Variants in FUT5 observed in about 807,000 individuals in gnomAD.
FUT5 encodes 4-galactosyl-N-acetylglucosaminide 3-alpha-L-fucosyltransferase FUT5.
Under a neutral mutation model 0.8 loss-of-function variants are expected in FUT5, and 1 was observed. That is an observed-to-expected ratio of 1.26 (90% CI 0.45 to 5.99). The LOEUF is 5.99. Ranked by LOEUF, FUT5 falls within the 30% of genes most tolerant of loss-of-function variation. The pLI is 0.15. For synonymous variants in FUT5, 212 were observed against 225.7 expected, an observed-to-expected ratio of 0.94 and a Z score of 0.54; for missense variants, 437 against 517.8, an observed-to-expected ratio of 0.84 and a Z score of 1.51.
rs573940537 is a variant in FUT5 at position 5,866,641 on chromosome 19, C to T, written c.1085G>A (p.Arg362Lys). The T allele has an allele frequency of 1.2e-6, 2 of 1,613,260 alleles. No homozygotes were observed. The change falls in exon 2 of 2, where the codon AGG (arginine) becomes AAG (lysine). Residue 362 changes from arginine (R) to lysine (K), a missense_variant. Transcript: ENST00000588525. The surrounding 1 kb of genome is among the most constrained non-coding windows in gnomAD (Gnocchi z 4.9). ...KACWKLQQES[R>K]YQTVRSIAAW... ...CGCTATGCTGCGCACCGTCTGGTAC[C>T]TAGATTCCTGCTGCAGCTTCCAGCA...
chr19:5,866,435 C>A lies in FUT5; in HGVS notation c.*166G>T. ...ATCCCAGGTAAGTCACATGCCTGGC[C>A]ACCAAAGACTCCAGCAGGTGAGGCC... On this transcript the variant is annotated 3_prime_UTR_variant, in exon 2 of 2. Coordinates refer to ENST00000588525, the MANE Select transcript of FUT5 (RefSeq NM_002034.2). This position sits in a 1 kb window ranked among gnomAD's most constrained non-coding sequence, Gnocchi z 4.9. 9.0e-7 allele frequency: 1 copy of A among 1,117,170 alleles called. No homozygotes were observed. The highest frequency in any genetic ancestry group is 1.3e-6 in the Non-Finnish European group (1 of 761,364). The allele number at this position is 1,117,170 out of a possible 1,614,324, so 69.2% of individuals were successfully genotyped here.
chr19:5,870,175 ATT>A (rs2057518494), intron 1 of FUT5, among the ~76,000 whole-genome samples: 1 of 148,946 alleles, frequency 6.7e-6, no homozygotes, highest in Non-Finnish European at 1.5e-5. Context: ...TAAAATTATT[ATT>A]ATTTTTTGAG....
In FUT5 at chr19:5,870,526, C is replaced by T. The variant is rs1416957583; in HGVS notation, c.-74G>A. On this transcript the variant is annotated 5_prime_UTR_variant, in exon 1 of 2. Transcript: ENST00000588525. ...GCCATGAAAAGGCTGGGCGAGGTGG[C>T]TCATGTCTGTAATCCCAGCACTTTG... The T allele has an allele frequency of 6.6e-6, 1 of 152,286 alleles. No individual in the cohort carries two copies. The highest frequency in any genetic ancestry group is 2.4e-5 in the African/African-American group (1 of 41,454). The allele number at this position is 152,286 out of a possible 1,614,324, so 9.4% of individuals were successfully genotyped here. A position where few individuals can be genotyped will look rare whatever the true frequency, so the allele number is the denominator to read the frequency against.
chr19:5,869,292 T>C (rs960835898), intron 1 of FUT5, among the ~76,000 whole-genome samples: 6 of 148,972 alleles, frequency 4.0e-5, no homozygotes, highest in African/African-American at 1.5e-4. Context: ...TTTTTTTTTT[T>C]TTTTTTTTAA....
In FUT5 at chr19:5,866,368, C is replaced by T; in HGVS notation, c.*233G>A. 1.5e-6 allele frequency: 1 copy of T among 678,152 alleles called. No homozygotes were observed. The highest frequency in any genetic ancestry group is 1.9e-5 in the South Asian group (1 of 53,932). The allele number at this position is 678,152 out of a possible 1,614,324, so 42.0% of individuals were successfully genotyped here. A position where few individuals can be genotyped will look rare whatever the true frequency, so the allele number is the denominator to read the frequency against. On this transcript the variant is annotated 3_prime_UTR_variant, in exon 2 of 2. Coordinates refer to ENST00000588525, the MANE Select transcript of FUT5 (RefSeq NM_002034.2). This position sits in a 1 kb window ranked among gnomAD's most constrained non-coding sequence, Gnocchi z 4.9. ...ATCCCCAGCCCCAGCTGGCAAGGTC[C>T]CCAGCAGGGGAGGCTCCTGGCAGTG...
In FUT5 at chr19:5,867,266, TG is replaced by T. The variant is rs753097884; in HGVS notation, c.459del (p.Ser154AlafsTer94). ...AGGGCTTCCAGGTGCCGGCAGTTGC[TG>T]GGGGACTCCATGCTGAACCAGATCC... Reference protein sequence around the residue: ...QRWIWFSMESPSNCRHLEALD... With the variant: ...QRWIWFSMESXSNCRHLEALD... On this transcript the variant is annotated frameshift_variant, in exon 2 of 2. Coordinates refer to ENST00000588525, the MANE Select transcript of FUT5 (RefSeq NM_002034.2). LOFTEE classifies it low-confidence loss of function (END_TRUNC). The surrounding 1 kb of genome is among the most constrained non-coding windows in gnomAD (Gnocchi z 5.0). The T allele has an allele frequency of 1.2e-6, 2 of 1,613,396 alleles. No homozygotes were observed. Among genetic ancestry groups the T allele is most frequent in the Non-Finnish European group, 1.7e-6 (2 of 1,180,000 alleles).
intron 1 of FUT5, 122 bp downstream of exon 1, chr19:5,870,343 A>C (rs1039017168): frequency 3.3e-5 from 5 of 152,148 alleles, no homozygotes; most frequent in Admixed American, 1.3e-4. Context: ...CAAAGAATTA[A>C]CAACAAAAGG....
chr19:5,868,181 G>A (rs1361009510), intron 1 of FUT5, among the ~76,000 whole-genome samples: 2 of 152,122 alleles, frequency 1.3e-5, no homozygotes, highest in African/African-American at 4.8e-5. Context: ...CTGGGGAGAG[G>A]TGGGGAGGAT....
Position 5,866,346 on chromosome 19 carries a change from C to A in FUT5, c.*255G>T. On this transcript the variant is annotated 3_prime_UTR_variant, in exon 2 of 2. Coordinates refer to ENST00000588525, the MANE Select transcript of FUT5 (RefSeq NM_002034.2). This position sits in a 1 kb window ranked among gnomAD's most constrained non-coding sequence, Gnocchi z 4.9. ...AGCAAGGTCCCCAGTAGGCACCATC[C>A]CCAGCCCCAGCTGGCAAGGTCCCCA... The A allele has an allele frequency of 1.6e-6, 1 of 618,506 alleles. No homozygotes were observed. The allele number at this position is 618,506 out of a possible 1,614,324, so 38.3% of individuals were successfully genotyped here.
chr19:5,868,706 G>C lies in FUT5; in HGVS notation c.-12-969C>G, dbSNP rs568949880. Among the ~76,000 whole-genome samples, 15 of 152,254 alleles carry C rather than the reference G, an allele frequency of 9.9e-5. 1 individual carries two copies. The highest frequency in any genetic ancestry group is 9.8e-4 in the Admixed American group (15 of 15,290). ...CAAAAATTAGCCGGATGTGGTGGTG[G>C]TGCCTGTAATCCCAGCTACTTGGGA... On this transcript the variant is annotated intron_variant, in intron 1 of 1. Coordinates refer to ENST00000588525, the MANE Select transcript of FUT5 (RefSeq NM_002034.2).
chr19:5,869,035 G>T (rs1317905553), intron 1 of FUT5, among the ~76,000 whole-genome samples: 2 of 151,366 alleles, frequency 1.3e-5, no homozygotes, highest in Non-Finnish European at 2.9e-5. Context: ...AGGCTAGAGT[G>T]CAGTGGCATG....
At chr19:5,868,849 C>A (rs868712400) in intron 1 of FUT5, among the ~76,000 whole-genome samples, 2 of 152,178 alleles carry the variant, frequency 1.3e-5, no homozygotes, top group East Asian at 1.9e-4. Context: ...AACACAGCAT[C>A]TTCCTCTGTC....
Position 5,865,984 on chromosome 19 carries a change from CA to C in FUT5, c.*616del, listed in dbSNP as rs1299398072. 1 of 168,456 alleles carries C rather than the reference CA, an allele frequency of 5.9e-6. No individual in the cohort carries two copies. The highest frequency in any genetic ancestry group is 1.3e-5 in the Non-Finnish European group (1 of 77,206). The allele number at this position is 168,456 out of a possible 1,614,324, so 10.4% of individuals were successfully genotyped here. Reference sequence around the variant, plus strand: ...CCCTCCAGGGTGAGGCATCGCAACACATCCACAGGCACTATCAGAGTCACGC... The same window carrying C: ...CCCTCCAGGGTGAGGCATCGCAACACTCCACAGGCACTATCAGAGTCACGC... On this transcript the variant is annotated 3_prime_UTR_variant, in exon 2 of 2. Transcript: ENST00000588525.
At position 5,867,666 on chromosome 19, in the gene FUT5, C is replaced by T. The variant is rs1228388163; in HGVS notation, c.60G>A (p.Leu20=). 7.4e-6 allele frequency: 12 copies of T among 1,613,250 alleles called. No individual in the cohort carries two copies. The highest frequency in any genetic ancestry group is 9.3e-6 in the Non-Finnish European group (11 of 1,180,044). The stretch of plus-strand genomic sequence containing the variant: ...ACACAGCCACCAGCAGCTGAAACAG[C>T]AGCCCGGCCAGACAGCGGCGCCACA... ...QWLWRRCLAG[L]LFQLLVAVCF... Residue 20 remains leucine, a synonymous_variant, in exon 2 of 2, where the codon CTG becomes CTA. Transcript: ENST00000588525. The surrounding 1 kb of genome is among the most constrained non-coding windows in gnomAD (Gnocchi z 5.0).
intron 1 of FUT5, among the ~76,000 whole-genome samples, chr19:5,868,174 G>C (rs2057512245): frequency 1.3e-5 from 2 of 152,182 alleles, no homozygotes; most frequent in African/African-American, 2.4e-5. Context: ...GCTGAGGCTG[G>C]GGAGAGGTGG....
rs781608545 is a variant in FUT5 at position 5,866,474 on chromosome 19, A to G, written c.*127T>C. On this transcript the variant is annotated 3_prime_UTR_variant, in exon 2 of 2. Coordinates refer to ENST00000588525, the MANE Select transcript of FUT5 (RefSeq NM_002034.2). This position sits in a 1 kb window ranked among gnomAD's most constrained non-coding sequence, Gnocchi z 4.9. ...GCAGGTGAGGCCCCAGGCAGGTGAG[A>G]CCCCAGGCAGCCGAGGCCCCAGGCA... 1.7e-4 allele frequency: 244 copies of G among 1,473,800 alleles called. No individual in the cohort carries two copies. In the East Asian group the frequency reaches 4.6e-3, roughly 28 times the overall value. The allele number at this position is 1,473,800 out of a possible 1,614,324, so 91.3% of individuals were successfully genotyped here. A position where few individuals can be genotyped will look rare whatever the true frequency, so the allele number is the denominator to read the frequency against.
In FUT5 at chr19:5,867,624, C is replaced by T. The variant is rs2057510169; in HGVS notation, c.102G>A (p.Leu34=). The part of the protein sequence containing the change: ...LLVAVCFFSY[L]RVSRDDATGS... ...CAGTGGCATCGTCTCGGGACACACG[C>T]AGGTAGGAGAAGAAACACACAGCCA... Residue 34 remains leucine, a synonymous_variant, in exon 2 of 2, where the codon CTG becomes CTA. Coordinates refer to ENST00000588525, the MANE Select transcript of FUT5 (RefSeq NM_002034.2). The surrounding 1 kb of genome is among the most constrained non-coding windows in gnomAD (Gnocchi z 5.0). 6.2e-7 allele frequency: 1 copy of T among 1,613,460 alleles called. No homozygotes were observed. Among genetic ancestry groups the T allele is most frequent in the African/African-American group, 1.3e-5 (1 of 74,894 alleles).
Position 5,866,822 on chromosome 19 carries a change from C to T in FUT5, c.904G>A (p.Ala302Thr), listed in dbSNP as rs760983276. ...SNYERFLPPD[A>T]FIHVDDFQSP... ...TGGAAGTCGTCCACGTGGATGAAGG[C>T]GTCGGGTGGCAGGAACCTCTCGTAG... The change falls in exon 2 of 2, where the codon GCC (alanine) becomes ACC (threonine). Residue 302 changes from alanine to threonine, a missense_variant. Transcript: ENST00000588525. The surrounding 1 kb of genome is among the most constrained non-coding windows in gnomAD (Gnocchi z 4.9). The T allele has an allele frequency of 5.0e-5, 80 of 1,603,912 alleles. No individual in the cohort carries two copies. Among genetic ancestry groups the T allele is most frequent in the Middle Eastern group, 2.1e-4 (1 of 4,668 alleles).
At position 5,865,978 on chromosome 19, in the gene FUT5, G is replaced by A. The variant is rs934680097; in HGVS notation, c.*623C>T. 3 of 162,214 alleles carry A rather than the reference G, an allele frequency of 1.8e-5. No homozygotes were observed. The highest frequency in any genetic ancestry group is 4.1e-5 in the Non-Finnish European group (3 of 73,830). The allele number at this position is 162,214 out of a possible 1,614,324, so 10.0% of individuals were successfully genotyped here. On this transcript the variant is annotated 3_prime_UTR_variant, in exon 2 of 2. Coordinates refer to ENST00000588525, the MANE Select transcript of FUT5 (RefSeq NM_002034.2). ...CCAGTGCCCTCCAGGGTGAGGCATC[G>A]CAACACATCCACAGGCACTATCAGA...
Sources: gnomAD v4.1 joint callset for allele counts (sites outside exome capture counted in the v4.1 genomes callset) on GRCh38, gnomAD v4.1.1 for gene constraint, Gnocchi (gnomAD v3.1) non-coding constraint, MANE v1.5 for transcripts, NCBI Gene and HGNC (gene_info 2026-07-23, HGNC 2026-07-21) for gene names.